The following PRKAR2B variants were observed in gnomAD, a reference collection of about 807,000 sequenced individuals.
The protein encoded by PRKAR2B is protein kinase cAMP-dependent type II regulatory subunit beta.
A neutral mutation model predicts 49.9 loss-of-function variants in PRKAR2B; 14 were observed. That is an observed-to-expected ratio of 0.28 (90% CI 0.19 to 0.44). The LOEUF is 0.44. Ranked by LOEUF, PRKAR2B falls within the 20% of genes least tolerant of loss-of-function variation. The probability of loss-of-function intolerance (pLI) is 1.00; values close to 1 mark genes in which losing one functional copy is unlikely to be tolerated. For missense variants in PRKAR2B, 393 were observed against 537.9 expected (o/e 0.73, Z 2.67); for synonymous variants, 196 against 197.7 (o/e 0.99, Z 0.07).
intron 6 of PRKAR2B, among the ~76,000 whole-genome samples, chr7:107,148,580 C>T (rs772936603): frequency 1.3e-5 from 2 of 152,166 alleles, no homozygotes; most frequent in African/African-American, 2.4e-5. Context: ...GAATAATTAA[C>T]ATAATTACTT....
intron 1 of PRKAR2B, among the ~76,000 whole-genome samples, chr7:107,063,588 A>G (rs1384932057): frequency 1.3e-5 from 2 of 152,150 alleles, no homozygotes; most frequent in African/African-American, 2.4e-5. Flanking sequence ...GTTCAGGGAA[A>G]AGCTTCCTGA....
intron 4 of PRKAR2B, among the ~76,000 whole-genome samples, chr7:107,132,318 A>G (rs1795617794): frequency 1.3e-5 from 2 of 152,234 alleles, no homozygotes; most frequent in South Asian, 2.1e-4. Flanking sequence ...CTCGAATGCT[A>G]TGCTGTGGCA....
At chr7:107,150,832 TTCAA>T (rs1472034428) in intron 6 of PRKAR2B, 86 bp from the exon 7 acceptor site, 10 of 639,764 alleles carry the variant, frequency 1.6e-5, no homozygotes, top group Middle Eastern at 5.0e-4. Context: ...TTTCAGAATC[TTCAA>T]TCATTGTTTC....
intron 4 of PRKAR2B, 64 bp downstream of exon 4, chr7:107,128,359 G>T: frequency 8.0e-7 from 1 of 1,248,712 alleles, no homozygotes; most frequent in Non-Finnish European, 1.2e-6. Context: ...GTCAAGAACT[G>T]TACAGGGTCT....
In PRKAR2B at chr7:107,161,780, A is replaced by G. The variant is rs1304720807; in HGVS notation, c.*2198A>G. 6.6e-6 allele frequency: 1 copy of G among 152,190 alleles called. No individual in the cohort carries two copies. The highest frequency in any genetic ancestry group is 6.5e-5 in the Admixed American group (1 of 15,274). 9.4% of individuals were successfully genotyped at this position (152,190 alleles called of 1,614,324 possible). ...TCTGGCTAACTAGGAATTTATGTGT[A>G]AAATTATCTGATTAAAACAGCTCAA... On this transcript the variant is annotated 3_prime_UTR_variant, in exon 11 of 11. Coordinates refer to ENST00000265717, the MANE Select transcript of PRKAR2B (RefSeq NM_002736.3).
chr7:107,160,420 G>A lies in PRKAR2B; in HGVS notation c.*838G>A, dbSNP rs745654279. ...AAAAAGTGATTTAAACTTAAGATCC[G>A]ACATTTTTTGTATTCTTTAAGATTT... On this transcript the variant is annotated 3_prime_UTR_variant, in exon 11 of 11. Transcript: ENST00000265717. 2.0e-5 allele frequency: 3 copies of A among 151,928 alleles called. No individual in the cohort carries two copies. Among genetic ancestry groups the A allele is most frequent in the African/African-American group, 7.3e-5 (3 of 41,356 alleles). The allele number at this position is 151,928 out of a possible 1,614,324, so 9.4% of individuals were successfully genotyped here. A position where few individuals can be genotyped will look rare whatever the true frequency, so the allele number is the denominator to read the frequency against.
chr7:107,143,041 G>A (rs1205571449), intron 5 of PRKAR2B, among the ~76,000 whole-genome samples: 2 of 152,186 alleles, frequency 1.3e-5, no homozygotes, highest in African/African-American at 2.4e-5. Flanking sequence ...GGGTTTACAG[G>A]TGTAAGTCAG....
intron 1 of PRKAR2B, among the ~76,000 whole-genome samples, chr7:107,046,130 C>G (rs1024190408): frequency 6.6e-6 from 1 of 152,186 alleles, no homozygotes; most frequent in Non-Finnish European, 1.5e-5. Context: ...CTGCTTACAA[C>G]CCTCTTTCCC....
intron 5 of PRKAR2B, among the ~76,000 whole-genome samples, chr7:107,145,733 ATT>A (rs916332834): frequency 1.6e-3 from 145 of 93,400 alleles, no homozygotes; most frequent in Middle Eastern, 7.4e-3. Context: ...TCTTCAGATG[ATT>A]TTTTTTTTTT....
chr7:107,143,941 A>G (rs1180506645), intron 5 of PRKAR2B, among the ~76,000 whole-genome samples: 1 of 152,320 alleles, frequency 6.6e-6, no homozygotes, highest in Middle Eastern at 3.4e-3. Flanking sequence ...AGAATTTTGG[A>G]TGAGGGAAAC....
chr7:107,120,829 TGTGA>T (rs1376966147), intron 2 of PRKAR2B, among the ~76,000 whole-genome samples: 3 of 151,910 alleles, frequency 2.0e-5, no homozygotes, highest in African/African-American at 4.8e-5. Context: ...ATAAAATGAT[TGTGA>T]GTAATATGAC....
chr7:107,084,839 A>T (rs549097674), intron 2 of PRKAR2B, among the ~76,000 whole-genome samples: 41 of 151,584 alleles, frequency 2.7e-4, no homozygotes, highest in African/African-American at 8.7e-4. Context: ...GTTAGCCAGG[A>T]TGGTCTCGAT....
At chr7:107,047,231 T>G (rs1476508346) in intron 1 of PRKAR2B, among the ~76,000 whole-genome samples, 2 of 152,250 alleles carry the variant, frequency 1.3e-5, no homozygotes, top group Admixed American at 6.5e-5. Context: ...TTGGCAATAG[T>G]ACAGGTACTT....
chr7:107,047,389 G>A (rs1408168834), intron 1 of PRKAR2B, among the ~76,000 whole-genome samples: 1 of 151,676 alleles, frequency 6.6e-6, no homozygotes, highest in African/African-American at 2.4e-5. Context: ...GGGCCGGTTA[G>A]TAAGTGTTTT....
intron 2 of PRKAR2B, among the ~76,000 whole-genome samples, chr7:107,101,336 G>A (rs1475656206): frequency 6.6e-6 from 1 of 152,066 alleles, no homozygotes; most frequent in Admixed American, 6.6e-5. Flanking sequence ...GGACTTGTGT[G>A]AGTTTGGGGG....
At chr7:107,090,381 A>G (rs1433622351) in intron 2 of PRKAR2B, among the ~76,000 whole-genome samples, 1 of 152,148 alleles carries the variant, frequency 6.6e-6, no homozygotes, top group East Asian at 1.9e-4. Context: ...GCTTCCCCAA[A>G]ATCCCAGGAA....
chr7:107,124,724 T>C (rs1005744180), intron 3 of PRKAR2B, among the ~76,000 whole-genome samples: 2 of 152,192 alleles, frequency 1.3e-5, no homozygotes, highest in Non-Finnish European at 2.9e-5. Flanking sequence ...CTGACCGATA[T>C]ACAGTGTTCT....
At chr7:107,083,877 C>T (rs1442287920) in intron 2 of PRKAR2B, among the ~76,000 whole-genome samples, 1 of 152,128 alleles carries the variant, frequency 6.6e-6, no homozygotes, top group East Asian at 1.9e-4. Flanking sequence ...TCCCAAAGTG[C>T]TGGGATTACA....
rs191339115 is a variant in PRKAR2B, at chr7:107,157,644, A to T, written c.1123+320A>T. Reference sequence around the variant, plus strand: ...CAACATGTGCTATGTTCCTCAAAAGAGAAGGCTAAAGTACTATTTTTATAA... The same window carrying T: ...CAACATGTGCTATGTTCCTCAAAAGTGAAGGCTAAAGTACTATTTTTATAA... On this transcript the variant is annotated intron_variant, in intron 10 of 10. Coordinates refer to ENST00000265717, the MANE Select transcript of PRKAR2B (RefSeq NM_002736.3). Among the ~76,000 whole-genome samples the T allele has an allele frequency of 9.8e-5, 15 of 152,354 alleles. No individual in the cohort carries two copies. The East Asian group carries it at 2.9e-3, about 29-fold the overall frequency.
Sources: gnomAD v4.1 joint callset for allele counts (sites outside exome capture counted in the v4.1 genomes callset) on GRCh38, gnomAD v4.1.1 for gene constraint, MANE v1.5 for transcripts, NCBI Gene and HGNC (gene_info 2026-07-23, HGNC 2026-07-21) for gene names.